FSTL5: variants seen among roughly 807,000 people sequenced by gnomAD.
The protein encoded by FSTL5 is follistatin like 5, also known as follistatin-related protein 5.
Under a neutral mutation model 89.1 loss-of-function variants are expected in FSTL5, and 62 were observed. The observed-to-expected ratio is 0.70, with a 90% CI of 0.57 to 0.86. FSTL5 has a LOEUF of 0.86. Among genes scored for constraint, FSTL5 ranks in the 40% least tolerant of loss-of-function variants. The pLI is 0.00. For missense variants in FSTL5, 1,057 were observed against 1,001.6 expected (o/e 1.06, Z -0.75); for synonymous variants, 383 against 346.2 (o/e 1.11, Z -1.18).
At chr4:161,756,456 G>A (rs892785184) in intron 6 of FSTL5, among the ~76,000 whole-genome samples, 1 of 151,954 alleles carries the variant, frequency 6.6e-6, no homozygotes, top group Admixed American at 6.6e-5. Context: ...CTTTCTAATA[G>A]TTAATGAAAC....
chr4:162,114,973 T>C (rs1030764754), intron 1 of FSTL5, among the ~76,000 whole-genome samples: 5 of 152,176 alleles, frequency 3.3e-5, no homozygotes, highest in Admixed American at 3.3e-4. Context: ...ATTTATGATA[T>C]GACTGGATTG....
In FSTL5 at chr4:161,455,141, CA is replaced by C; in HGVS notation, c.1717-14del. 1 of 1,586,510 alleles carries C rather than the reference CA, an allele frequency of 6.3e-7. No individual in the cohort carries two copies. Among genetic ancestry groups the C allele is most frequent in the Non-Finnish European group, 8.6e-7 (1 of 1,169,392 alleles). On this transcript the variant is annotated splice_polypyrimidine_tract_variant and intron_variant, in intron 14 of 15. Coordinates refer to ENST00000306100, the MANE Select transcript of FSTL5 (RefSeq NM_020116.5). ...CCAGGGTAATTACCTAAAGAGAACACACCTTGGTTAGACCTCAACAATGCAG... is the reference window on the plus strand; with the variant it reads ...CCAGGGTAATTACCTAAAGAGAACACCCTTGGTTAGACCTCAACAATGCAG...
intron 3 of FSTL5, among the ~76,000 whole-genome samples, chr4:161,927,508 T>A (rs1231311017): frequency 6.6e-6 from 1 of 151,694 alleles, no homozygotes; most frequent in Non-Finnish European, 1.5e-5. Flanking sequence ...GGTTAATATA[T>A]TTTTTAATGA....
chr4:161,438,084 T>C (rs1732634026), intron 15 of FSTL5, among the ~76,000 whole-genome samples: 1 of 147,390 alleles, frequency 6.8e-6, no homozygotes, highest in South Asian at 2.1e-4. Context: ...CAAAGCTGTT[T>C]AGAAAAGACT....
At chr4:161,551,283 G>A (rs575668899) in intron 8 of FSTL5, among the ~76,000 whole-genome samples, 1 of 150,062 alleles carries the variant, frequency 6.7e-6, no homozygotes, top group Non-Finnish European at 1.5e-5. Flanking sequence ...ATTCTAACTG[G>A]TGTGAGATGG....
At chr4:162,031,229 T>G (rs1737508150) in intron 3 of FSTL5, among the ~76,000 whole-genome samples, 2 of 152,140 alleles carry the variant, frequency 1.3e-5, no homozygotes, top group African/African-American at 2.4e-5. Flanking sequence ...AGGCACAGAA[T>G]GCAGAAAATA....
chr4:161,877,601 C>T lies in FSTL5; in HGVS notation c.409+42803G>A, dbSNP rs185698604. On this transcript the variant is annotated intron_variant, in intron 4 of 15. Coordinates refer to ENST00000306100, the MANE Select transcript of FSTL5 (RefSeq NM_020116.5). Reference sequence around the variant, plus strand: ...CAGCACTTTGGGAGGCCGAGGAGGGCGGATCGCGAGATCAGGAGATCGAGA... The same window carrying T: ...CAGCACTTTGGGAGGCCGAGGAGGGTGGATCGCGAGATCAGGAGATCGAGA... 3.1e-3 allele frequency among the ~76,000 whole-genome samples: 473 copies of T among 151,062 alleles called. 1 individual carries two copies. Among genetic ancestry groups the T allele is most frequent in the African/African-American group, 0.011 (457 of 41,348 alleles).
At chr4:162,071,402 G>A (rs939953851) in intron 2 of FSTL5, among the ~76,000 whole-genome samples, 2 of 151,440 alleles carry the variant, frequency 1.3e-5, no homozygotes, top group East Asian at 1.9e-4. Context: ...AGACAAAAAG[G>A]TATTATATAA....
At chr4:161,617,084 G>A (rs1054989423) in intron 7 of FSTL5, among the ~76,000 whole-genome samples, 5 of 150,804 alleles carry the variant, frequency 3.3e-5, no homozygotes, top group African/African-American at 9.8e-5. Context: ...ATAGGTTCAA[G>A]GACTTAAAGG....
intron 4 of FSTL5, among the ~76,000 whole-genome samples, chr4:161,844,037 A>G (rs1056858783): frequency 3.3e-5 from 5 of 152,196 alleles, no homozygotes; most frequent in East Asian, 1.9e-4. Context: ...AATTTTTGCA[A>G]TCTATCCATC....
intron 4 of FSTL5, among the ~76,000 whole-genome samples, chr4:161,867,816 GTCA>G (rs1359199443): frequency 2.6e-5 from 4 of 151,620 alleles, no homozygotes; most frequent in African/African-American, 9.7e-5. Context: ...AATCATTTCA[GTCA>G]TCATTTCAGA....
At chr4:161,553,357 T>C (rs548258447) in intron 8 of FSTL5, among the ~76,000 whole-genome samples, 1 of 151,536 alleles carries the variant, frequency 6.6e-6, no homozygotes, top group East Asian at 1.9e-4. Context: ...TAAACTTCTA[T>C]TACCTAAAAT....
chr4:162,030,072 A>T (rs1014201767), intron 3 of FSTL5, among the ~76,000 whole-genome samples: 1 of 151,502 alleles, frequency 6.6e-6, no homozygotes, highest in African/African-American at 2.4e-5. Context: ...CTAATTTTTT[A>T]TTTATTTATT....
At chr4:161,684,716 G>T (rs2126712261) in intron 6 of FSTL5, among the ~76,000 whole-genome samples, 1 of 152,222 alleles carries the variant, frequency 6.6e-6, no homozygotes, top group South Asian at 2.1e-4. Flanking sequence ...TCTCTGGGTT[G>T]TCTGTTCACT....
At chr4:161,545,388 T>G (rs1731968552) in intron 8 of FSTL5, among the ~76,000 whole-genome samples, 1 of 152,028 alleles carries the variant, frequency 6.6e-6, no homozygotes, top group African/African-American at 2.4e-5. Context: ...ATAAGACAAC[T>G]TGAGAGGTTT....
At chr4:161,997,043 G>A (rs948852021) in intron 3 of FSTL5, among the ~76,000 whole-genome samples, 3 of 152,152 alleles carry the variant, frequency 2.0e-5, no homozygotes, top group Admixed American at 2.0e-4. Flanking sequence ...TCCATGGGAT[G>A]AGTCAGACAG....
chr4:162,156,553 T>C (rs1733481628), intron 1 of FSTL5, among the ~76,000 whole-genome samples: 1 of 152,138 alleles, frequency 6.6e-6, no homozygotes, highest in South Asian at 2.1e-4. Context: ...CATGTAATAC[T>C]ACACAGCCAT....
intron 4 of FSTL5, among the ~76,000 whole-genome samples, chr4:161,821,038 T>G (rs941593128): frequency 1.1e-4 from 17 of 151,964 alleles, no homozygotes; most frequent in Admixed American, 7.9e-4. Flanking sequence ...AAGTTTTCTT[T>G]GTTTGTTTGT....
At chr4:161,672,743 A>G (rs1024340399) in intron 6 of FSTL5, among the ~76,000 whole-genome samples, 2 of 144,846 alleles carry the variant, frequency 1.4e-5, no homozygotes, top group Admixed American at 1.4e-4. Flanking sequence ...AAAAAAAAGT[A>G]AGGTGTTTAT....
Sources: allele counts gnomAD v4.1 joint callset (sites outside exome capture counted in the v4.1 genomes callset), GRCh38; gene constraint gnomAD v4.1.1; transcripts MANE v1.5; gene names NCBI Gene and HGNC (gene_info 2026-07-23, HGNC 2026-07-21).